Variants in CACNA1E observed in about 807,000 individuals in gnomAD.
CACNA1E encodes the protein calcium voltage-gated channel subunit alpha1 E, also known as voltage-dependent R-type calcium channel subunit alpha-1E.
A neutral mutation model predicts 259.2 loss-of-function variants in CACNA1E; 40 were observed. That is an observed-to-expected ratio of 0.15 (90% CI 0.12 to 0.20). CACNA1E has a LOEUF of 0.20. Among genes scored for constraint, CACNA1E ranks in the 10% least tolerant of loss-of-function variants. CACNA1E has a pLI of 1.00. For missense variants in CACNA1E, 1,874 were observed against 3,040.1 expected, an observed-to-expected ratio of 0.62 and a Z score of 9.02; for synonymous variants, 1,104 against 1,138.5, an observed-to-expected ratio of 0.97 and a Z score of 0.61.
intron 23 of CACNA1E, 49 bp downstream of exon 23, chr1:181,737,703 A>T: frequency 6.3e-7 from 1 of 1,584,916 alleles, no homozygotes; most frequent in Middle Eastern, 1.7e-4. Flanking sequence ...TCTGGTGCTC[A>T]CCCCATCCCA....
intron 2 of CACNA1E, among the ~76,000 whole-genome samples, chr1:181,472,059 A>G (rs1241684126): frequency 1.3e-5 from 2 of 152,208 alleles, no homozygotes; most frequent in African/African-American, 4.8e-5. Context: ...ACACACACAC[A>G]CAATGGATTT....
chr1:181,481,973 G>A (rs1663290682), upstream of CACNA1E, among the ~76,000 whole-genome samples: 1 of 152,176 alleles, frequency 6.6e-6, no homozygotes. Flanking sequence ...TCACCATGGA[G>A]GGCCCTTCCA....
At chr1:181,619,434 C>G (rs1275348850) in intron 6 of CACNA1E, among the ~76,000 whole-genome samples, 2 of 152,060 alleles carry the variant, frequency 1.3e-5, no homozygotes, top group Non-Finnish European at 2.9e-5. Context: ...CTAGGGGAGC[C>G]AGGTCAGGTA....
intron 38 of CACNA1E, among the ~76,000 whole-genome samples, chr1:181,779,819 T>TACACAC (rs56301632): frequency 0.023 from 3,393 of 148,346 alleles, 36 homozygotes; most frequent in Middle Eastern, 0.028. Context: ...TATGCACATG[T>TACACAC]ACACACACAC....
chr1:181,681,371 C>T (rs1432992291), intron 7 of CACNA1E, among the ~76,000 whole-genome samples: 2 of 152,192 alleles, frequency 1.3e-5, no homozygotes, highest in East Asian at 3.9e-4. Flanking sequence ...ACCCACTTGG[C>T]CATCTTGGGG....
At chr1:181,737,431 T>C in intron 22 of CACNA1E, 94 bp from the exon 23 acceptor site, 2 of 1,447,622 alleles carry the variant, frequency 1.4e-6, no homozygotes, top group South Asian at 2.6e-5. Flanking sequence ...GGCCTGGCTG[T>C]CTGGAAGGGG....
chr1:181,332,849 A>AC (rs1651394047), intron 1 of CACNA1E, among the ~76,000 whole-genome samples: 1 of 152,174 alleles, frequency 6.6e-6, no homozygotes, highest in South Asian at 2.1e-4. Context: ...TACATCTGGG[A>AC]CCCCACAGTC....
At chr1:181,408,667 C>T (rs142732480) in intron 1 of CACNA1E, among the ~76,000 whole-genome samples, 33 of 152,218 alleles carry the variant, frequency 2.2e-4, no homozygotes, top group African/African-American at 7.7e-4. Context: ...TTACACTAAA[C>T]GCTCTTCCAC....
At chr1:181,406,997 G>A (rs1252338486) in intron 1 of CACNA1E, among the ~76,000 whole-genome samples, 1 of 152,188 alleles carries the variant, frequency 6.6e-6, no homozygotes, top group African/African-American at 2.4e-5. Flanking sequence ...TGGCAGAAAT[G>A]TAGCCTGAAC....
At chr1:181,552,224 C>G (rs142998588) in intron 3 of CACNA1E, among the ~76,000 whole-genome samples, 1 of 152,306 alleles carries the variant, frequency 6.6e-6, no homozygotes, top group East Asian at 1.9e-4. Context: ...TTGTAGCCCC[C>G]TCCTCACACC....
At chr1:181,472,730 TGC>T (rs879771033) in intron 2 of CACNA1E, among the ~76,000 whole-genome samples, 67 of 152,318 alleles carry the variant, frequency 4.4e-4, no homozygotes, top group Admixed American at 2.5e-3. Context: ...TGCGTGTGTG[TGC>T]GCGCGCACTT....
intron 23 of CACNA1E, 88 bp from the exon 24 acceptor site, chr1:181,738,279 C>T (rs936963867): frequency 3.4e-5 from 35 of 1,031,136 alleles, no homozygotes; most frequent in African/African-American, 9.4e-5. Flanking sequence ...TGGGCGTGCA[C>T]GAGTGCATGT....
At chr1:181,602,085 A>T (rs557645635) in intron 6 of CACNA1E, among the ~76,000 whole-genome samples, 1 of 151,972 alleles carries the variant, frequency 6.6e-6, no homozygotes, top group South Asian at 2.1e-4. Context: ...TTAAAATCAA[A>T]CCTCCTCCTT....
intron 6 of CACNA1E, among the ~76,000 whole-genome samples, chr1:181,623,442 T>C (rs1655906667): frequency 6.6e-6 from 1 of 152,258 alleles, no homozygotes; most frequent in Non-Finnish European, 1.5e-5. Context: ...AATTTGAGGA[T>C]GGGTATTTTT....
chr1:181,487,752 A>G (rs1056692812), intron 1 of CACNA1E, among the ~76,000 whole-genome samples: 4 of 152,084 alleles, frequency 2.6e-5, no homozygotes, highest in African/African-American at 7.2e-5. Context: ...AGCATCTCTC[A>G]TGTGGTTTGC....
Position 181,553,281 on chromosome 1 carries a change from A to G in CACNA1E, c.513-24485A>G, listed in dbSNP as rs531123662. Reference sequence around the variant, plus strand: ...TGTAGCGATTGTGAATTGGGAGTTCATTCATGATTCGGCTCTCTGCTTGTC... The same window carrying G: ...TGTAGCGATTGTGAATTGGGAGTTCGTTCATGATTCGGCTCTCTGCTTGTC... On this transcript the variant is annotated intron_variant, in intron 3 of 47. Transcript: ENST00000367573. Among the ~76,000 whole-genome samples the G allele has an allele frequency of 2.0e-5, 3 of 152,294 alleles. No homozygotes were observed. The South Asian group carries it at 6.2e-4, about 32-fold the overall frequency.
intron 2 of CACNA1E, among the ~76,000 whole-genome samples, chr1:181,423,808 A>G (rs1658950499): frequency 6.6e-6 from 1 of 152,136 alleles, no homozygotes; most frequent in Non-Finnish European, 1.5e-5. Flanking sequence ...GAATCTGTGG[A>G]ACCACTATTG....
chr1:181,455,457 A>C (rs1017918254), intron 2 of CACNA1E, among the ~76,000 whole-genome samples: 15 of 152,300 alleles, frequency 9.8e-5, no homozygotes, highest in African/African-American at 3.6e-4. Flanking sequence ...GGGTCTGTTC[A>C]GGGCAATAGG....
In CACNA1E at chr1:181,630,626, A is replaced by G. The variant is rs147535723; in HGVS notation, c.952-20712A>G. Among the ~76,000 whole-genome samples the G allele has an allele frequency of 1.2e-3, 181 of 151,748 alleles. 1 individual carries two copies. Among genetic ancestry groups the G allele is most frequent in the Non-Finnish European group, 2.0e-3 (138 of 67,922 alleles). The stretch of plus-strand genomic sequence containing the variant: ...GGCACCTCTCTTCTTACTGAACACC[A>G]CCTATGCTTGGAGCACCATGTGAGA... On this transcript the variant is annotated intron_variant, in intron 6 of 47. Coordinates refer to ENST00000367573, the MANE Select transcript of CACNA1E (RefSeq NM_001205293.3).
Sources: allele counts gnomAD v4.1 joint callset (sites outside exome capture counted in the v4.1 genomes callset), GRCh38; gene constraint gnomAD v4.1.1; transcripts MANE v1.5; gene names NCBI Gene and HGNC (gene_info 2026-07-23, HGNC 2026-07-21).